Variants in PPA2 observed in about 807,000 individuals in gnomAD.
PPA2 encodes the protein inorganic pyrophosphatase 2, mitochondrial.
A neutral mutation model predicts 49.5 loss-of-function variants in PPA2; 48 were observed. The observed-to-expected ratio is 0.97, with a 90% CI of 0.77 to 1.23. The LOEUF (loss-of-function observed/expected upper bound fraction) is 1.23, where lower values mean the gene tolerates loss of function less well. Ranked by LOEUF, PPA2 falls within the 50% of genes most tolerant of loss-of-function variation. PPA2 has a pLI of 0.00. For missense variants in PPA2, 429 were observed against 410.1 expected, an observed-to-expected ratio of 1.05 and a Z score of -0.40; for synonymous variants, 131 against 139.9, an observed-to-expected ratio of 0.94 and a Z score of 0.45.
At chr4:105,401,020 T>G (rs556556479) in intron 7 of PPA2, among the ~76,000 whole-genome samples, 1 of 152,170 alleles carries the variant, frequency 6.6e-6, no homozygotes, top group Non-Finnish European at 1.5e-5. Context: ...ATTTAAACAT[T>G]TTTAAAACCT....
intron 6 of PPA2, among the ~76,000 whole-genome samples, chr4:105,429,783 T>A (rs1446819634): frequency 6.6e-6 from 1 of 152,222 alleles, no homozygotes; most frequent in African/African-American, 2.4e-5. Context: ...CATTGCTTCA[T>A]AGTACCTTTT....
intron 7 of PPA2, 147 bp downstream of exon 7, chr4:105,424,049 A>G (rs1023271357): frequency 2.5e-6 from 2 of 807,082 alleles, no homozygotes; most frequent in African/African-American, 1.8e-5. Flanking sequence ...TACTTTCTTC[A>G]TTTAAAATAT....
intron 9 of PPA2, among the ~76,000 whole-genome samples, chr4:105,389,968 A>G (rs1393831411): frequency 9.9e-5 from 15 of 152,182 alleles, no homozygotes; most frequent in Admixed American, 9.2e-4. Context: ...TGGTGCCAAA[A>G]CAGACATATA....
intron 10 of PPA2, among the ~76,000 whole-genome samples, chr4:105,379,789 A>T: frequency 6.6e-6 from 1 of 151,992 alleles, no homozygotes; most frequent in South Asian, 2.1e-4. Context: ...GTGCATCACC[A>T]TGCCCGCCTT....
At chr4:105,438,547 T>C (rs1422895132) in intron 5 of PPA2, among the ~76,000 whole-genome samples, 1 of 152,192 alleles carries the variant, frequency 6.6e-6, no homozygotes, top group Non-Finnish European at 1.5e-5. Flanking sequence ...ATTCATTCCA[T>C]TAAAAAATCC....
At chr4:105,451,418 T>C (rs1722670621) in intron 3 of PPA2, among the ~76,000 whole-genome samples, 1 of 152,222 alleles carries the variant, frequency 6.6e-6, no homozygotes, top group Admixed American at 6.5e-5. Context: ...AAGCTGAGAA[T>C]AAATTCTCAA....
rs1578845121 is a variant in PPA2, at chr4:105,422,644, T to C, written c.655+1552A>G. Among the ~76,000 whole-genome samples the C allele has an allele frequency of 2.0e-5, 3 of 152,150 alleles. No homozygotes were observed. The East Asian group carries it at 5.8e-4, about 29-fold the overall frequency. On this transcript the variant is annotated intron_variant, in intron 7 of 11. Coordinates refer to ENST00000341695, the MANE Select transcript of PPA2 (RefSeq NM_176869.3). ...ATACAGTACTGAGCAATTCACACAT[T>C]AGAATCAGACAGAAATGAGTTCAAA...
At chr4:105,427,732 C>T (rs756320059) in intron 6 of PPA2, among the ~76,000 whole-genome samples, 67 of 152,124 alleles carry the variant, frequency 4.4e-4, no homozygotes, top group Non-Finnish European at 9.3e-4. Context: ...ATTGGTGTAC[C>T]TGAAAGTGAT....
chr4:105,456,734 C>A lies in PPA2; in HGVS notation c.169G>T (p.Gly57Cys). The A allele has an allele frequency of 6.2e-7, 1 of 1,604,338 alleles. No homozygotes were observed. The highest frequency in any genetic ancestry group is 1.1e-5 in the South Asian group (1 of 90,042). The change falls in exon 2 of 12, where the codon GGT becomes TGT. Residue 57 changes from glycine to cysteine, a missense_variant. By Grantham distance (159) the Gly-to-Cys change is radical. Coordinates refer to ENST00000341695, the MANE Select transcript of PPA2 (RefSeq NM_176869.3). ...TCATGAAAGGGGGAAATGTAGTGAC[C>A]AGTTACATTCTCTGCAAAGACACAA... ...NYRLFFKNVT[G>C]HYISPFHDIP...
intron 6 of PPA2, among the ~76,000 whole-genome samples, chr4:105,428,917 T>C (rs576889304): frequency 4.6e-5 from 7 of 152,242 alleles, no homozygotes; most frequent in Middle Eastern, 3.4e-3. Context: ...TTTAGGGGTA[T>C]AAAAAGATGT....
At position 105,399,018 on chromosome 4, in the gene PPA2, T is replaced by C; in HGVS notation, c.783+19A>G. 1.9e-6 allele frequency: 3 copies of C among 1,602,014 alleles called. No homozygotes were observed. In the South Asian group the frequency reaches 3.4e-5, roughly 18 times the overall value. ...AGGTATCAGGAGGTACATTTTAAAA[T>C]AAAGATTCTCATCTTCACCTTGTTT... On this transcript the variant is annotated intron_variant, in intron 8 of 11. Transcript: ENST00000341695.
chr4:105,465,547 A>G (rs1463501827), intron 1 of PPA2, among the ~76,000 whole-genome samples: 2 of 152,118 alleles, frequency 1.3e-5, no homozygotes, highest in East Asian at 1.9e-4. Flanking sequence ...CATATCCCTA[A>G]TAAGTGTTCT....
intron 9 of PPA2, among the ~76,000 whole-genome samples, chr4:105,393,439 G>C (rs143818659): frequency 1.3e-5 from 2 of 150,390 alleles, no homozygotes; most frequent in Non-Finnish European, 3.0e-5. Flanking sequence ...AGTCATGTTC[G>C]CGCCCCTGCA....
intron 7 of PPA2, among the ~76,000 whole-genome samples, chr4:105,411,345 C>A (rs939057431): frequency 8.5e-5 from 13 of 152,150 alleles, no homozygotes; most frequent in African/African-American, 3.1e-4. Context: ...CAAATCAATT[C>A]AACAAGAAGA....
At chr4:105,453,576 A>T in intron 3 of PPA2, 22 bp downstream of exon 3, 2 of 1,554,854 alleles carry the variant, frequency 1.3e-6, no homozygotes, top group Non-Finnish European at 1.7e-6. Flanking sequence ...TGATTCACAA[A>T]AATAAAAACC....
rs1209762727 is a variant in PPA2, at chr4:105,407,066, C to T, written c.656-7902G>A. ...ATAGCCCCTGCGCAAGGATGACATG[C>T]AAATTCGTGAAGTGTTCCATATTAA... is the stretch of plus-strand genomic sequence containing the variant. On this transcript the variant is annotated intron_variant, in intron 7 of 11. Transcript: ENST00000341695. 5 of 146,676 alleles carry T rather than the reference C, an allele frequency of 3.4e-5. No individual in the cohort carries two copies. In the East Asian group the frequency reaches 6.1e-4, roughly 18 times the overall value. 9.1% of individuals were successfully genotyped at this position (146,676 alleles called of 1,614,324 possible). A position where few individuals can be genotyped will look rare whatever the true frequency, so the allele number is the denominator to read the frequency against.
intron 7 of PPA2, among the ~76,000 whole-genome samples, chr4:105,406,504 T>G (rs1722481335): frequency 6.6e-6 from 1 of 152,038 alleles, no homozygotes; most frequent in African/African-American, 2.4e-5. Flanking sequence ...AAACCTTAGC[T>G]TATCAAAGAA....
chr4:105,443,639 ACTCTCTCTCTCTTTTT>A (rs1724474840), intron 5 of PPA2, among the ~76,000 whole-genome samples: 1 of 140,224 alleles, frequency 7.1e-6, no homozygotes, highest in Admixed American at 7.0e-5. Context: ...ACACACACAG[ACTCTCTCTCTCTTTTT>A]CTCTCTCTCT....
At chr4:105,469,739 C>T (rs1553930500) in intron 1 of PPA2, among the ~76,000 whole-genome samples, 2 of 152,114 alleles carry the variant, frequency 1.3e-5, no homozygotes, top group Non-Finnish European at 2.9e-5. Flanking sequence ...AAATAAAATA[C>T]TTTTTCTATA....
Sources: allele counts gnomAD v4.1 joint callset (sites outside exome capture counted in the v4.1 genomes callset), GRCh38; gene constraint gnomAD v4.1.1; transcripts MANE v1.5; gene names NCBI Gene and HGNC (gene_info 2026-07-23, HGNC 2026-07-21).